INTS7: variants seen among roughly 807,000 people sequenced by gnomAD.
INTS7 encodes the protein integrator complex subunit 7, also known as chromosome 1 open reading frame 73.
Under a neutral mutation model 109.2 loss-of-function variants are expected in INTS7, and 46 were observed. The observed-to-expected ratio is 0.42, with a 90% CI of 0.33 to 0.54. The LOEUF is 0.54. INTS7 is among the 20% of genes least tolerant of loss of function. The probability of loss-of-function intolerance (pLI) is 0.07; values close to 1 mark genes in which losing one functional copy is unlikely to be tolerated. For missense variants in INTS7, 929 were observed against 1,132.4 expected, an observed-to-expected ratio of 0.82 and a Z score of 2.58; for synonymous variants, 412 against 402.9, an observed-to-expected ratio of 1.02 and a Z score of -0.27.
At chr1:212,032,079 A>G (rs765255332) in intron 1 of INTS7, among the ~76,000 whole-genome samples, 4 of 152,192 alleles carry the variant, frequency 2.6e-5, no homozygotes, top group Non-Finnish European at 5.9e-5. Flanking sequence ...CAATACATAC[A>G]TCCTCCCAGT....
intron 11 of INTS7, among the ~76,000 whole-genome samples, chr1:211,977,565 C>T (rs1664474063): frequency 6.6e-6 from 1 of 152,214 alleles, no homozygotes; most frequent in African/African-American, 2.4e-5. Context: ...AAACATAAAA[C>T]AGGCTTGAAT....
At chr1:211,997,270 T>C (rs895523072) in intron 7 of INTS7, among the ~76,000 whole-genome samples, 1 of 151,486 alleles carries the variant, frequency 6.6e-6, no homozygotes, top group African/African-American at 2.4e-5. Context: ...ATAGGCCAGG[T>C]GCAGTGGCTC....
At position 211,989,059 on chromosome 1, in the gene INTS7, A is replaced by G. The variant is rs199593769; in HGVS notation, c.880-1056T>C. ...TAAATTAATTTCCATTCTCCCACAA[A>G]GATAAAGGTTCAGAAAATAAGCAAA... is the stretch of plus-strand genomic sequence containing the variant. On this transcript the variant is annotated intron_variant, in intron 7 of 19. Transcript: ENST00000366994. 2.9e-4 allele frequency among the ~76,000 whole-genome samples: 44 copies of G among 152,362 alleles called. No individual in the cohort carries two copies. The East Asian group carries it at 7.9e-3, about 27-fold the overall frequency.
intron 7 of INTS7, among the ~76,000 whole-genome samples, chr1:211,991,894 G>A (rs561712706): frequency 6.6e-6 from 1 of 152,314 alleles, no homozygotes; most frequent in South Asian, 2.1e-4. Flanking sequence ...TGCCAAAGAG[G>A]CCAAGAGAAG....
chr1:211,952,183 C>CA (rs1663123775), intron 17 of INTS7, among the ~76,000 whole-genome samples: 1 of 152,162 alleles, frequency 6.6e-6, no homozygotes, highest in African/African-American at 2.4e-5. Context: ...TCCAGAAACT[C>CA]AGAGTTAGCT....
intron 3 of INTS7, 32 bp downstream of exon 3, chr1:212,020,090 C>T (rs1463715832): frequency 7.2e-7 from 1 of 1,384,944 alleles, no homozygotes; most frequent in South Asian, 1.6e-5. Flanking sequence ...TTCAAATAAT[C>T]TCATAGTGAA....
At chr1:211,967,788 G>GT in intron 15 of INTS7, 90 bp downstream of exon 15, 1 of 693,900 alleles carries the variant, frequency 1.4e-6, no homozygotes, top group South Asian at 1.8e-5. Flanking sequence ...TATTTAACAT[G>GT]TATTTTGTAG....
chr1:211,965,895 C>T (rs898310104), intron 16 of INTS7, among the ~76,000 whole-genome samples: 38 of 151,934 alleles, frequency 2.5e-4, no homozygotes, highest in African/African-American at 7.5e-4. Flanking sequence ...CCCGGTGACA[C>T]GAGTTTACCT....
At chr1:211,950,398 A>C (rs540099311) in intron 17 of INTS7, among the ~76,000 whole-genome samples, 1 of 152,140 alleles carries the variant, frequency 6.6e-6, no homozygotes, top group African/African-American at 2.4e-5. Context: ...CAGCCTCCCA[A>C]GTAGCTGGGA....
At chr1:212,028,447 T>C (rs1667021335) in intron 1 of INTS7, among the ~76,000 whole-genome samples, 1 of 152,172 alleles carries the variant, frequency 6.6e-6, no homozygotes, top group Non-Finnish European at 1.5e-5. Flanking sequence ...TGAAGGTCAG[T>C]GTAGATTCGG....
chr1:211,952,529 A>G (rs748480647), intron 17 of INTS7, 40 bp downstream of exon 17: 3 of 1,598,708 alleles, frequency 1.9e-6, no homozygotes, highest in Non-Finnish European at 2.6e-6. Context: ...AAAAACCCAC[A>G]TCCATACAAT....
chr1:211,980,662 T>G (rs1664623142), intron 10 of INTS7, among the ~76,000 whole-genome samples: 1 of 152,064 alleles, frequency 6.6e-6, no homozygotes, highest in South Asian at 2.1e-4. Context: ...GGTCTTGAAC[T>G]CCTAGGCTCA....
At chr1:212,002,349 T>C (rs548336593) in intron 7 of INTS7, among the ~76,000 whole-genome samples, 5 of 152,358 alleles carry the variant, frequency 3.3e-5, no homozygotes, top group African/African-American at 1.2e-4. Flanking sequence ...AGTCTCAATA[T>C]AGCTAAGCCA....
intron 16 of INTS7, among the ~76,000 whole-genome samples, chr1:211,954,381 G>A (rs537070338): frequency 3.0e-4 from 45 of 152,266 alleles, no homozygotes; most frequent in South Asian, 6.2e-4. Context: ...GTTTTGCTGT[G>A]CAGAAGCTCT....
intron 7 of INTS7, among the ~76,000 whole-genome samples, chr1:211,995,078 T>A (rs1571885962): frequency 6.6e-6 from 1 of 152,112 alleles, no homozygotes; most frequent in Non-Finnish European, 1.5e-5. Flanking sequence ...AAAAGAGAAT[T>A]AGGCCTCTTA....
At chr1:212,008,705 C>T in intron 5 of INTS7, among the ~76,000 whole-genome samples, 1 of 152,170 alleles carries the variant, frequency 6.6e-6, no homozygotes, top group East Asian at 1.9e-4. Flanking sequence ...AACCTTGAAA[C>T]TGCCCCTCCA....
At chr1:212,000,229 A>G (rs1665605755) in intron 7 of INTS7, among the ~76,000 whole-genome samples, 1 of 152,240 alleles carries the variant, frequency 6.6e-6, no homozygotes, top group African/African-American at 2.4e-5. Flanking sequence ...TGCTGATACT[A>G]ATGAATTTGA....
At position 212,035,546 on chromosome 1, in the gene INTS7, A is replaced by C; in HGVS notation, c.-109T>G. The C allele has an allele frequency of 2.3e-6, 2 of 880,174 alleles. No individual in the cohort carries two copies. Among genetic ancestry groups the C allele is most frequent in the Non-Finnish European group, 3.7e-6 (2 of 537,318 alleles). 54.5% of individuals were successfully genotyped at this position (880,174 alleles called of 1,614,324 possible). ...GCTGGTTTTTCTTCCGCGCGCTGTC[A>C]AGCCCTGTTACGCATGCGCCCTGGT... is the stretch of plus-strand genomic sequence containing the variant. On this transcript the variant is annotated 5_prime_UTR_variant, in exon 1 of 20. Coordinates refer to ENST00000366994, the MANE Select transcript of INTS7 (RefSeq NM_015434.4).
rs1161596556 is a variant in INTS7, at chr1:212,035,491, A to G, written c.-54T>C. On this transcript the variant is annotated 5_prime_UTR_variant, in exon 1 of 20. Coordinates refer to ENST00000366994, the MANE Select transcript of INTS7 (RefSeq NM_015434.4). ...TCAGAAAGCTTGCAAACTCTACCCC[A>G]GGACCGCCATCTTCCCCCGCCGCCT... The G allele has an allele frequency of 2.3e-6, 3 of 1,309,454 alleles. No homozygotes were observed. Among genetic ancestry groups the G allele is most frequent in the East Asian group, 2.3e-5 (1 of 43,438 alleles). The allele number at this position is 1,309,454 out of a possible 1,614,324, so 81.1% of individuals were successfully genotyped here.
Sources: gnomAD v4.1 joint callset for allele counts (sites outside exome capture counted in the v4.1 genomes callset) on GRCh38, gnomAD v4.1.1 for gene constraint, MANE v1.5 for transcripts, NCBI Gene and HGNC (gene_info 2026-07-23, HGNC 2026-07-21) for gene names.